The following TRIM33 variants were observed in gnomAD, a reference collection of about 807,000 sequenced individuals.
The protein encoded by TRIM33 is E3 ubiquitin-protein ligase TRIM33.
Under a neutral mutation model 125.4 loss-of-function variants are expected in TRIM33, and 20 were observed. That is an observed-to-expected ratio of 0.16 (90% CI 0.11 to 0.23). TRIM33 has a LOEUF of 0.23. TRIM33 is among the 10% of genes least tolerant of loss of function. The probability of loss-of-function intolerance (pLI) is 1.00; values close to 1 mark genes in which losing one functional copy is unlikely to be tolerated. For missense variants in TRIM33, 920 were observed against 1,411.4 expected, an observed-to-expected ratio of 0.65 and a Z score of 5.58; for synonymous variants, 564 against 513.9, an observed-to-expected ratio of 1.10 and a Z score of -1.32.
intron 1 of TRIM33, among the ~76,000 whole-genome samples, chr1:114,500,041 C>T (rs1016348835): frequency 2.6e-5 from 4 of 152,098 alleles, no homozygotes; most frequent in Non-Finnish European, 5.9e-5. Context: ...GTGGCGGGCG[C>T]CTCTAATCCC....
At chr1:114,431,574 G>A (rs960137328) in intron 5 of TRIM33, among the ~76,000 whole-genome samples, 5 of 152,152 alleles carry the variant, frequency 3.3e-5, no homozygotes, top group Admixed American at 6.6e-5. Flanking sequence ...TTACAAAACA[G>A]GAAGTGGATA....
chr1:114,402,737 A>G (rs375428279), intron 16 of TRIM33, 23 bp downstream of exon 16: 2 of 1,607,120 alleles, frequency 1.2e-6, no homozygotes, highest in African/African-American at 1.3e-5. Flanking sequence ...TCCCAGTGAC[A>G]AATCAACTTA....
intron 1 of TRIM33, among the ~76,000 whole-genome samples, chr1:114,479,912 T>C (rs1213505776): frequency 1.5e-5 from 2 of 136,052 alleles, no homozygotes; most frequent in Non-Finnish European, 3.2e-5. Flanking sequence ...TGGGGGCGCC[T>C]CTGCCCGGCC....
intron 1 of TRIM33, among the ~76,000 whole-genome samples, chr1:114,472,591 A>T (rs1472764873): frequency 6.6e-6 from 1 of 152,112 alleles, no homozygotes; most frequent in African/African-American, 2.4e-5. Flanking sequence ...TTAGCCAGGC[A>T]TGGTGGTACC....
intron 11 of TRIM33, among the ~76,000 whole-genome samples, chr1:114,413,450 C>T (rs997248539): frequency 3.3e-5 from 5 of 149,788 alleles, no homozygotes; most frequent in Non-Finnish European, 7.4e-5. Flanking sequence ...CCCAGCTACT[C>T]GAGAGGTTGA....
chr1:114,444,336 G>A (rs550625632), intron 4 of TRIM33, among the ~76,000 whole-genome samples: 1 of 152,328 alleles, frequency 6.6e-6, no homozygotes, highest in East Asian at 1.9e-4. Flanking sequence ...AAGTTTAGCA[G>A]ACTGCCGTTG....
At position 114,405,771 on chromosome 1, in the gene TRIM33, C is replaced by T. The variant is rs539228179; in HGVS notation, c.2419-12G>A. On this transcript the variant is annotated splice_polypyrimidine_tract_variant and intron_variant, in intron 14 of 19. Transcript: ENST00000358465. ...TCAGGACTGCTCAACTAAAACAAAA[C>T]GATGACAAATTCTTGAAGAATCATT... 29 of 1,582,704 alleles carry T rather than the reference C, an allele frequency of 1.8e-5. No individual in the cohort carries two copies. The highest frequency in any genetic ancestry group is 3.4e-4 in the Middle Eastern group (2 of 5,874).
At chr1:114,462,767 C>T (rs1650072062) in intron 4 of TRIM33, among the ~76,000 whole-genome samples, 1 of 152,072 alleles carries the variant, frequency 6.6e-6, no homozygotes, top group South Asian at 2.1e-4. Flanking sequence ...AAGAATACTG[C>T]TTTTGTAGAT....
intron 1 of TRIM33, among the ~76,000 whole-genome samples, chr1:114,489,736 C>A (rs1651931830): frequency 3.9e-5 from 6 of 151,942 alleles, no homozygotes; most frequent in Admixed American, 2.6e-4. Context: ...CAGAGCAAGA[C>A]CCTGTCTCAA....
chr1:114,437,838 T>C lies in TRIM33; in HGVS notation c.924-4105A>G, dbSNP rs76891279. On this transcript the variant is annotated intron_variant, in intron 4 of 19. Coordinates refer to ENST00000358465, the MANE Select transcript of TRIM33 (RefSeq NM_015906.4). Reference sequence around the variant, plus strand: ...TCAGAATTAATCAGCATGCTTAGCTTTTTTAAATTATTGAGATATAAATTA... The same window carrying C: ...TCAGAATTAATCAGCATGCTTAGCTCTTTTAAATTATTGAGATATAAATTA... Among the ~76,000 whole-genome samples, 23 of 152,322 alleles carry C rather than the reference T, an allele frequency of 1.5e-4. No individual in the cohort carries two copies. In the East Asian group the frequency reaches 3.9e-3, roughly 26 times the overall value.
At chr1:114,487,884 A>G (rs1651805455) in intron 1 of TRIM33, among the ~76,000 whole-genome samples, 2 of 139,238 alleles carry the variant, frequency 1.4e-5, no homozygotes, top group Non-Finnish European at 3.1e-5. Flanking sequence ...GGCCTGGGCG[A>G]CAGAGCGAGA....
At chr1:114,456,623 A>C (rs1397571136) in intron 4 of TRIM33, among the ~76,000 whole-genome samples, 1 of 152,186 alleles carries the variant, frequency 6.6e-6, no homozygotes, top group Non-Finnish European at 1.5e-5. Context: ...AGCCAACCAC[A>C]ATTTGCCTTT....
chr1:114,485,463 G>A (rs1651624284), intron 1 of TRIM33, among the ~76,000 whole-genome samples: 1 of 152,106 alleles, frequency 6.6e-6, no homozygotes, highest in African/African-American at 2.4e-5. Context: ...GTGGAAAGCT[G>A]AGACTCCACC....
Position 114,402,680 on chromosome 1 carries a change from C to A in TRIM33, c.2892+80G>T, listed in dbSNP as rs1651973922. The A allele has an allele frequency of 4.8e-6, 7 of 1,459,650 alleles. 1 individual carries two copies. In the South Asian group the frequency reaches 9.5e-5, roughly 20 times the overall value. The allele number at this position is 1,459,650 out of a possible 1,614,324, so 90.4% of individuals were successfully genotyped here. ...TAAATGTTATCAGGTTTTGTGTATG[C>A]TACACAGGAAAAAAAAAGGTGTATA... On this transcript the variant is annotated intron_variant, in intron 16 of 19. Coordinates refer to ENST00000358465, the MANE Select transcript of TRIM33 (RefSeq NM_015906.4).
At chr1:114,482,662 G>A (rs1290415171) in intron 1 of TRIM33, among the ~76,000 whole-genome samples, 2 of 152,198 alleles carry the variant, frequency 1.3e-5, no homozygotes, top group Non-Finnish European at 2.9e-5. Context: ...TTGGAGGAGG[G>A]CCCCGGTGGG....
chr1:114,446,011 C>G (rs1648950466), intron 4 of TRIM33, among the ~76,000 whole-genome samples: 1 of 152,136 alleles, frequency 6.6e-6, no homozygotes, highest in South Asian at 2.1e-4. Context: ...GCACATGTTC[C>G]CACGCCCAGC....
chr1:114,409,222 T>C (rs1433744359), intron 12 of TRIM33, among the ~76,000 whole-genome samples: 1 of 152,158 alleles, frequency 6.6e-6, no homozygotes, highest in African/African-American at 2.4e-5. Flanking sequence ...TTAATTTACG[T>C]TAGAAAAATA....
At chr1:114,478,356 T>C (rs1219819058) in intron 1 of TRIM33, among the ~76,000 whole-genome samples, 1 of 152,170 alleles carries the variant, frequency 6.6e-6, no homozygotes, top group Non-Finnish European at 1.5e-5. Context: ...TAAATTAGTA[T>C]CTGTCTGGAA....
intron 4 of TRIM33, among the ~76,000 whole-genome samples, chr1:114,455,250 T>C (rs1649552738): frequency 6.6e-6 from 1 of 152,126 alleles, no homozygotes; most frequent in Admixed American, 6.5e-5. Context: ...ATCCTCCTCC[T>C]CCTATAAATG....
Sources: gnomAD v4.1 joint callset for allele counts (sites outside exome capture counted in the v4.1 genomes callset) on GRCh38, gnomAD v4.1.1 for gene constraint, MANE v1.5 for transcripts, NCBI Gene and HGNC (gene_info 2026-07-23, HGNC 2026-07-21) for gene names.